The following PLEKHH3 variants were observed in gnomAD, a reference collection of about 807,000 sequenced individuals.
PLEKHH3 encodes the protein pleckstrin homology domain-containing family H member 3.
PLEKHH3 carries 57 observed loss-of-function variants against 77.8 expected under a neutral mutation model. That is an observed-to-expected ratio of 0.73 (90% CI 0.59 to 0.91). PLEKHH3 has a LOEUF of 0.91. PLEKHH3 is among the 40% of genes least tolerant of loss of function. The pLI is 0.00. For synonymous variants in PLEKHH3, 467 were observed against 504.8 expected, an observed-to-expected ratio of 0.93 and a Z score of 1.00; for missense variants, 1,082 against 1,091.2, an observed-to-expected ratio of 0.99 and a Z score of 0.12.
rs774029973 is a variant in PLEKHH3, at chr17:42,670,067, C to T, written c.1864G>A (p.Gly622Ser). The change falls in exon 11 of 13, where the codon GGC (glycine) becomes AGC (serine). Residue 622 changes from glycine to serine, a missense_variant. Coordinates refer to ENST00000591022, the MANE Select transcript of PLEKHH3 (RefSeq NM_024927.5). The stretch of plus-strand genomic sequence containing the variant: ...ACGGCAGCTGCCGTGCCGGCGCCGC[C>T]TCCTCCCTCGCGGGCAATGCTTCCC... Reference protein sequence around the residue: ...TAGSIAREGGGGAGTAAAVLG... With the variant: ...TAGSIAREGGSGAGTAAAVLG... The T allele has an allele frequency of 6.8e-7, 1 of 1,468,170 alleles. No individual in the cohort carries two copies. Among genetic ancestry groups the T allele is most frequent in the Non-Finnish European group, 8.9e-7 (1 of 1,118,940 alleles). The allele number at this position is 1,468,170 out of a possible 1,614,324, so 90.9% of individuals were successfully genotyped here.
At position 42,668,027 on chromosome 17, in the gene PLEKHH3, C is replaced by T. The variant is rs2052592310; in HGVS notation, c.*100G>A. ...GTAGCCCTTGGGTGTGGGATGTGCC[C>T]TGTCCCTGCAGGGCCAAAAGGGTCC... On this transcript the variant is annotated 3_prime_UTR_variant, in exon 13 of 13. Coordinates refer to ENST00000591022, the MANE Select transcript of PLEKHH3 (RefSeq NM_024927.5). The T allele has an allele frequency of 1.9e-6, 2 of 1,069,000 alleles. No homozygotes were observed. Among genetic ancestry groups the T allele is most frequent in the Non-Finnish European group, 1.2e-6 (1 of 832,550 alleles). The allele number at this position is 1,069,000 out of a possible 1,614,324, so 66.2% of individuals were successfully genotyped here. A position where few individuals can be genotyped will look rare whatever the true frequency, so the allele number is the denominator to read the frequency against.
Position 42,667,948 on chromosome 17 carries a change from C to G in PLEKHH3, c.*179G>C. On this transcript the variant is annotated 3_prime_UTR_variant, in exon 13 of 13. Coordinates refer to ENST00000591022, the MANE Select transcript of PLEKHH3 (RefSeq NM_024927.5). ...ATAAGAAACTTTTTTTTTTTTTTTGCTTCTCTTCTACAAATAAATTAAGAA... is the reference window on the plus strand; with the variant it reads ...ATAAGAAACTTTTTTTTTTTTTTTGGTTCTCTTCTACAAATAAATTAAGAA... 4.9e-6 allele frequency: 2 copies of G among 409,360 alleles called. No individual in the cohort carries two copies. The highest frequency in any genetic ancestry group is 7.9e-6 in the Non-Finnish European group (2 of 254,034). 25.4% of individuals were successfully genotyped at this position (409,360 alleles called of 1,614,324 possible).
chr17:42,670,128 C>A lies in PLEKHH3; in HGVS notation c.1803G>T (p.Ala601=). The change falls in exon 11 of 13, where the codon GCG becomes GCT. Residue 601 remains alanine, a synonymous_variant. Transcript: ENST00000591022. ...CGGCCCCGCCGCGCCGGGCCCGCTC[C>A]GCCCGCCTCTTGGCCAGGCCCGGGC... The part of the protein sequence containing the change: ...LWSPGLAKRR[A]ERARRGGAGR... The A allele has an allele frequency of 7.8e-7, 1 of 1,283,092 alleles. No homozygotes were observed. Among genetic ancestry groups the A allele is most frequent in the Non-Finnish European group, 9.8e-7 (1 of 1,021,750 alleles). 79.5% of individuals were successfully genotyped at this position (1,283,092 alleles called of 1,614,324 possible).
rs1285375541 is a variant in PLEKHH3, at chr17:42,671,211, C to T, written c.1285-81G>A. The T allele has an allele frequency of 3.3e-6, 5 of 1,527,360 alleles. No homozygotes were observed. The highest frequency in any genetic ancestry group is 1.3e-5 in the South Asian group (1 of 79,308). The allele number at this position is 1,527,360 out of a possible 1,614,324, so 94.6% of individuals were successfully genotyped here. On this transcript the variant is annotated intron_variant, in intron 8 of 12. Coordinates refer to ENST00000591022, the MANE Select transcript of PLEKHH3 (RefSeq NM_024927.5). The surrounding 1 kb of genome is among the most constrained non-coding windows in gnomAD (Gnocchi z 4.7). The stretch of plus-strand genomic sequence containing the variant: ...GGGTTGATTCAATTGGAAGGGGTCT[C>T]TTAGTCCTGTCACCACCACTCCCTC...
Position 42,670,558 on chromosome 17 carries a change from G to A in PLEKHH3, c.1554+15C>T. On this transcript the variant is annotated intron_variant, in intron 10 of 12. Coordinates refer to ENST00000591022, the MANE Select transcript of PLEKHH3 (RefSeq NM_024927.5). ...TGGGGGTCTGTTTGGAGGCGTGAAC[G>A]CCGGAGAGCCTCACCTGCTCAAAGA... 1 of 1,599,992 alleles carries A rather than the reference G, an allele frequency of 6.3e-7. No individual in the cohort carries two copies. Among genetic ancestry groups the A allele is most frequent in the Non-Finnish European group, 8.5e-7 (1 of 1,169,750 alleles).
At chr17:42,669,771 G>A (rs1039734403) in intron 11 of PLEKHH3, 147 bp downstream of exon 11, 2 of 1,493,846 alleles carry the variant, frequency 1.3e-6, no homozygotes, top group African/African-American at 1.4e-5. Context: ...GGGATGTGAG[G>A]GCCCAAGGGC....
At chr17:42,669,835 T>C (rs2052643789) in intron 11 of PLEKHH3, 83 bp downstream of exon 11, 7 of 1,570,294 alleles carry the variant, frequency 4.5e-6, no homozygotes, top group Middle Eastern at 1.7e-4. Flanking sequence ...GGGAATTACG[T>C]GACACTCCGT....
In PLEKHH3 at chr17:42,676,106, G is replaced by A; in HGVS notation, c.162+296C>T. On this transcript the variant is annotated intron_variant, in intron 1 of 12. Transcript: ENST00000591022. This position sits in a 1 kb window ranked among gnomAD's most constrained non-coding sequence, Gnocchi z 6.6. ...GGCGGAAGGAGACGGGATGGGACGC[G>A]GGCCCAGCGGGGAAGGGAGAGGCAG... 4.0e-6 allele frequency: 5 copies of A among 1,259,144 alleles called. No individual in the cohort carries two copies. The highest frequency in any genetic ancestry group is 5.0e-6 in the Non-Finnish European group (5 of 999,922). The allele number at this position is 1,259,144 out of a possible 1,614,324, so 78.0% of individuals were successfully genotyped here.
At position 42,670,317 on chromosome 17, in the gene PLEKHH3, C is replaced by A; in HGVS notation, c.1614G>T (p.Leu538=). The change falls in exon 11 of 13, where the codon CTG becomes CTT. Residue 538 remains leucine (L), a synonymous_variant. Coordinates refer to ENST00000591022, the MANE Select transcript of PLEKHH3 (RefSeq NM_024927.5). ...PPPPDDTLRA[L]AALRLQSLQR... is the part of the protein sequence containing the mutation. ...GCAGGCTCTGCAGGCGCAGCGCCGC[C>A]AGGGCGCGCAGCGTGTCGTCGGGTG... 7.2e-7 allele frequency: 1 copy of A among 1,394,260 alleles called. No individual in the cohort carries two copies. Among genetic ancestry groups the A allele is most frequent in the Non-Finnish European group, 9.2e-7 (1 of 1,082,042 alleles). 86.4% of individuals were successfully genotyped at this position (1,394,260 alleles called of 1,614,324 possible).
Position 42,671,939 on chromosome 17 carries a change from A to G in PLEKHH3, c.1076+147T>C. 1.4e-6 allele frequency: 1 copy of G among 717,962 alleles called. No individual in the cohort carries two copies. The highest frequency in any genetic ancestry group is 2.2e-6 in the Non-Finnish European group (1 of 456,132). 44.5% of individuals were successfully genotyped at this position (717,962 alleles called of 1,614,324 possible). On this transcript the variant is annotated intron_variant, in intron 7 of 12. Transcript: ENST00000591022. The surrounding 1 kb of genome is among the most constrained non-coding windows in gnomAD (Gnocchi z 4.7). ...TTTTATTGTAATTCATCCGCTCACA[A>G]CTGCGATAGGATCTTGTATCTCCCA...
In PLEKHH3 at chr17:42,671,672, T is replaced by A; in HGVS notation, c.1077-114A>T. On this transcript the variant is annotated intron_variant, in intron 7 of 12. Coordinates refer to ENST00000591022, the MANE Select transcript of PLEKHH3 (RefSeq NM_024927.5). The surrounding 1 kb of genome is among the most constrained non-coding windows in gnomAD (Gnocchi z 4.7). ...TAGCCGATTTCCTCCCCGCCCCAAC[T>A]CAAGTTCTTTGAAGGCTCTTCTAAA... The A allele has an allele frequency of 8.7e-7, 1 of 1,154,888 alleles. No individual in the cohort carries two copies. Among genetic ancestry groups the A allele is most frequent in the Non-Finnish European group, 1.2e-6 (1 of 827,094 alleles). 71.5% of individuals were successfully genotyped at this position (1,154,888 alleles called of 1,614,324 possible).
chr17:42,671,570 G>A lies in PLEKHH3; in HGVS notation c.1077-12C>T, dbSNP rs2143576748. 6.3e-7 allele frequency: 1 copy of A among 1,599,836 alleles called. No individual in the cohort carries two copies. The highest frequency in any genetic ancestry group is 8.5e-7 in the Non-Finnish European group (1 of 1,172,796). On this transcript the variant is annotated splice_polypyrimidine_tract_variant and intron_variant, in intron 7 of 12. Transcript: ENST00000591022. This position sits in a 1 kb window ranked among gnomAD's most constrained non-coding sequence, Gnocchi z 4.7. ...GTGCCTGCTCGGTCCTGGGTTAGGA[G>A]GAACCCAGGGATCAATACTCCAAGG...
At chr17:42,674,830 C>G (rs1451379621) in intron 1 of PLEKHH3, 6 of 179,026 alleles carry the variant, frequency 3.4e-5, no homozygotes, top group Non-Finnish European at 1.2e-5. Flanking sequence ...TGCCAGGCTC[C>G]AAGGCACCCT....
chr17:42,670,233 CGGGG>C lies in PLEKHH3; in HGVS notation c.1694_1697del (p.Pro565ArgfsTer104). The C allele has an allele frequency of 8.2e-7, 1 of 1,220,570 alleles. No individual in the cohort carries two copies. The highest frequency in any genetic ancestry group is 1.0e-6 in the Non-Finnish European group (1 of 981,518). 75.6% of individuals were successfully genotyped at this position (1,220,570 alleles called of 1,614,324 possible). ...GGGGCGGGTCTTCGCGCGGCGGGGC[CGGGG>C]GCGGGAGCAGGCGGTCCAGGCGGGG... On this transcript the variant is annotated frameshift_variant, in exon 11 of 13. Transcript: ENST00000591022. LOFTEE classifies it high-confidence loss of function.
At position 42,673,499 on chromosome 17, in the gene PLEKHH3, C is replaced by A. The variant is rs559779690; in HGVS notation, c.548G>T (p.Arg183Leu). The change falls in exon 5 of 13, where the codon CGC becomes CTC. Residue 183 changes from arginine (R) to leucine (L), a missense_variant. Transcript: ENST00000591022. ...CCCCCAGCGCTCAGCCTCTGCCTGG[C>A]GTGGGGAGCAGAGGCGGACACTGTG... ...RKHSVRLCSP[R>L]QAEAERWGVA... 9.3e-6 allele frequency: 15 copies of A among 1,608,318 alleles called. No homozygotes were observed. Among genetic ancestry groups the A allele is most frequent in the South Asian group, 2.2e-5 (2 of 90,360 alleles).
Position 42,668,043 on chromosome 17 carries a change from A to G in PLEKHH3, c.*84T>C, listed in dbSNP as rs1179845296. The G allele has an allele frequency of 8.2e-7, 1 of 1,215,874 alleles. No individual in the cohort carries two copies. The highest frequency in any genetic ancestry group is 1.6e-5 in the African/African-American group (1 of 63,248). 75.3% of individuals were successfully genotyped at this position (1,215,874 alleles called of 1,614,324 possible). A position where few individuals can be genotyped will look rare whatever the true frequency, so the allele number is the denominator to read the frequency against. On this transcript the variant is annotated 3_prime_UTR_variant, in exon 13 of 13. Transcript: ENST00000591022. ...GGATGTGCCCTGTCCCTGCAGGGCC[A>G]AAAGGGTCCATGTTTCCCTCAAATC...
At position 42,670,721 on chromosome 17, in the gene PLEKHH3, G is replaced by A. The variant is rs1597789380; in HGVS notation, c.1422-16C>T. 3.1e-6 allele frequency: 5 copies of A among 1,608,372 alleles called. No homozygotes were observed. Among genetic ancestry groups the A allele is most frequent in the Non-Finnish European group, 3.4e-6 (4 of 1,176,436 alleles). On this transcript the variant is annotated splice_polypyrimidine_tract_variant and intron_variant, in intron 9 of 12. Transcript: ENST00000591022. The stretch of plus-strand genomic sequence containing the variant: ...CGCGGCCAAGCTGCAGAAGAGGAGC[G>A]GACGAAGCGCTAGGGAGAAGCCGGA...
chr17:42,671,233 C>T lies in PLEKHH3; in HGVS notation c.1285-103G>A. On this transcript the variant is annotated intron_variant, in intron 8 of 12. Transcript: ENST00000591022. The surrounding 1 kb of genome is among the most constrained non-coding windows in gnomAD (Gnocchi z 4.7). The stretch of plus-strand genomic sequence containing the variant: ...TCTCTTAGTCCTGTCACCACCACTC[C>T]CTCCCTTACCAAAATAATCTAGACT... 1.3e-6 allele frequency: 2 copies of T among 1,521,704 alleles called. No homozygotes were observed. Among genetic ancestry groups the T allele is most frequent in the African/African-American group, 2.8e-5 (2 of 72,716 alleles). The allele number at this position is 1,521,704 out of a possible 1,614,324, so 94.3% of individuals were successfully genotyped here. A position where few individuals can be genotyped will look rare whatever the true frequency, so the allele number is the denominator to read the frequency against.
In PLEKHH3 at chr17:42,676,222, C is replaced by A. The variant is rs2052823569; in HGVS notation, c.162+180G>T. 9.4e-6 allele frequency: 13 copies of A among 1,388,292 alleles called. No individual in the cohort carries two copies. The highest frequency in any genetic ancestry group is 2.3e-4 in the Middle Eastern group (1 of 4,324). 86.0% of individuals were successfully genotyped at this position (1,388,292 alleles called of 1,614,324 possible). Reference sequence around the variant, plus strand: ...GCCTGCAGCGGGAGGCCCACAGGCACATCCCGAGTAGGGCTGCTGCTCCGA... The same window carrying A: ...GCCTGCAGCGGGAGGCCCACAGGCAAATCCCGAGTAGGGCTGCTGCTCCGA... On this transcript the variant is annotated intron_variant, in intron 1 of 12. Transcript: ENST00000591022. This position sits in a 1 kb window ranked among gnomAD's most constrained non-coding sequence, Gnocchi z 6.6.
Sources: gnomAD v4.1 joint callset for allele counts on GRCh38, gnomAD v4.1.1 for gene constraint, Gnocchi (gnomAD v3.1) non-coding constraint, MANE v1.5 for transcripts, NCBI Gene and HGNC (gene_info 2026-07-23, HGNC 2026-07-21) for gene names.